B3GNT2: variants seen among roughly 807,000 people sequenced by gnomAD.
B3GNT2 encodes N-acetyllactosaminide beta-1,3-N-acetylglucosaminyltransferase 2.
B3GNT2 carries 12 observed loss-of-function variants against 27.6 expected under a neutral mutation model. The observed-to-expected ratio is 0.44, with a 90% CI of 0.28 to 0.71. The LOEUF is 0.71. B3GNT2 is among the 30% of genes least tolerant of loss of function. B3GNT2 has a pLI of 0.17. For synonymous variants in B3GNT2, 192 were observed against 189.7 expected (o/e 1.01, Z -0.10); for missense variants, 413 against 488.5 (o/e 0.85, Z 1.46).
intron 1 of B3GNT2, chr2:62,221,685 C>A: frequency 6.0e-6 from 2 of 335,454 alleles, no homozygotes; most frequent in South Asian, 2.3e-5. Flanking sequence ...TAGAAGAGAA[C>A]TTGAGAGTGA....
chr2:62,209,479 A>G (rs1289149570), intron 1 of B3GNT2, among the ~76,000 whole-genome samples: 4 of 152,192 alleles, frequency 2.6e-5, no homozygotes, highest in Non-Finnish European at 5.9e-5. Context: ...GTTGAAAAAC[A>G]AGTAAAAGAA....
chr2:62,205,118 T>G (rs1674346658), intron 1 of B3GNT2, among the ~76,000 whole-genome samples: 1 of 152,164 alleles, frequency 6.6e-6, no homozygotes. Context: ...TGGTCCCTCG[T>G]CCCTCCACAT....
In B3GNT2 at chr2:62,199,816, T is replaced by C. The variant is rs562925615; in HGVS notation, c.-10+3461T>C. ...GCTGTTCCTACGTACTTGCCAAATA[T>C]GTCTGCAAATTACAGAATGAATACA... is the stretch of plus-strand genomic sequence containing the variant. On this transcript the variant is annotated intron_variant, in intron 1 of 1. Coordinates refer to ENST00000301998, the MANE Select transcript of B3GNT2 (RefSeq NM_006577.6). Among the ~76,000 whole-genome samples the C allele has an allele frequency of 5.9e-5, 9 of 152,376 alleles. No individual in the cohort carries two copies. The South Asian group carries it at 1.7e-3, about 28-fold the overall frequency.
chr2:62,205,483 GA>G (rs1393513528), intron 1 of B3GNT2, among the ~76,000 whole-genome samples: 1 of 152,188 alleles, frequency 6.6e-6, no homozygotes, highest in Non-Finnish European at 1.5e-5. Flanking sequence ...GCAACAACTT[GA>G]AAACAACAGT....
intron 1 of B3GNT2, among the ~76,000 whole-genome samples, chr2:62,220,608 T>C (rs1026870498): frequency 6.6e-6 from 1 of 152,234 alleles, no homozygotes; most frequent in Non-Finnish European, 1.5e-5. Context: ...TAGCTACCTT[T>C]TGGCATGGTA....
intron 1 of B3GNT2, among the ~76,000 whole-genome samples, chr2:62,205,362 C>G (rs2104190394): frequency 6.6e-6 from 1 of 152,326 alleles, no homozygotes; most frequent in East Asian, 1.9e-4. Flanking sequence ...TGGTCGAAGG[C>G]CTGAATGATG....
chr2:62,209,041 G>A (rs1674432280), intron 1 of B3GNT2, among the ~76,000 whole-genome samples: 1 of 152,054 alleles, frequency 6.6e-6, no homozygotes, highest in Non-Finnish European at 1.5e-5. Context: ...GGCTGGGTCG[G>A]AGTGCAGTGG....
chr2:62,202,795 G>A (rs959744583), intron 1 of B3GNT2, among the ~76,000 whole-genome samples: 2 of 152,186 alleles, frequency 1.3e-5, no homozygotes, highest in Admixed American at 6.5e-5. Context: ...CAGAATCCCT[G>A]TCTTCTTCAG....
intron 1 of B3GNT2, among the ~76,000 whole-genome samples, chr2:62,200,236 A>G (rs1192406522): frequency 2.0e-5 from 3 of 152,142 alleles, no homozygotes; most frequent in Non-Finnish European, 4.4e-5. Flanking sequence ...AGGTATTTTC[A>G]TATATAACTT....
rs1238570822 is a variant in B3GNT2, at chr2:62,196,183, C to T, written c.-182C>T. The T allele has an allele frequency of 6.6e-6, 1 of 151,790 alleles. No individual in the cohort carries two copies. 9.4% of individuals were successfully genotyped at this position (151,790 alleles called of 1,614,324 possible). ...GTGCCGGAGGCTAGCAGAGCCAAGC[C>T]GGAGCAGTCCCTGCCGCCGACACCG... On this transcript the variant is annotated 5_prime_UTR_variant, in exon 1 of 2. Coordinates refer to ENST00000301998, the MANE Select transcript of B3GNT2 (RefSeq NM_006577.6).
intron 1 of B3GNT2, among the ~76,000 whole-genome samples, chr2:62,214,404 G>T (rs1268755341): frequency 1.3e-5 from 2 of 152,204 alleles, no homozygotes; most frequent in African/African-American, 4.8e-5. Flanking sequence ...GGCTGAATGC[G>T]CAGAGCAGGA....
chr2:62,208,516 A>G (rs1350507976), intron 1 of B3GNT2, among the ~76,000 whole-genome samples: 1 of 152,002 alleles, frequency 6.6e-6, no homozygotes, highest in Non-Finnish European at 1.5e-5. Context: ...GACACCACGT[A>G]ATTGTGTCTT....
At chr2:62,206,992 A>G (rs1366303202) in intron 1 of B3GNT2, among the ~76,000 whole-genome samples, 1 of 152,184 alleles carries the variant, frequency 6.6e-6, no homozygotes, top group East Asian at 1.9e-4. Context: ...TTAAAATACA[A>G]TGTCATTTGT....
chr2:62,203,941 G>A (rs1674320206), intron 1 of B3GNT2, among the ~76,000 whole-genome samples: 1 of 152,110 alleles, frequency 6.6e-6, no homozygotes, highest in East Asian at 1.9e-4. Flanking sequence ...GTTTATTATT[G>A]GAATCCATTG....
At chr2:62,219,672 G>A (rs1362140087) in intron 1 of B3GNT2, among the ~76,000 whole-genome samples, 2 of 152,202 alleles carry the variant, frequency 1.3e-5, no homozygotes, top group Admixed American at 1.3e-4. Context: ...GAGACCTAGA[G>A]ACAGCAGTAC....
intron 1 of B3GNT2, among the ~76,000 whole-genome samples, chr2:62,210,596 C>T (rs1674463492): frequency 6.6e-6 from 1 of 151,874 alleles, no homozygotes; most frequent in South Asian, 2.1e-4. Flanking sequence ...TAGCGAAACC[C>T]CATCTCTACT....
At chr2:62,217,925 A>C (rs1005045441) in intron 1 of B3GNT2, among the ~76,000 whole-genome samples, 2 of 152,222 alleles carry the variant, frequency 1.3e-5, no homozygotes, top group African/African-American at 4.8e-5. Flanking sequence ...CTGAAGTTTC[A>C]AAACTGTTCT....
At chr2:62,207,786 C>T (rs1267990357) in intron 1 of B3GNT2, among the ~76,000 whole-genome samples, 3 of 152,200 alleles carry the variant, frequency 2.0e-5, no homozygotes, top group Non-Finnish European at 4.4e-5. Context: ...CTGCTCACCA[C>T]CAGCTGTGTG....
At chr2:62,201,737 T>G (rs1478988199) in intron 1 of B3GNT2, among the ~76,000 whole-genome samples, 1 of 152,240 alleles carries the variant, frequency 6.6e-6, no homozygotes, top group Non-Finnish European at 1.5e-5. Flanking sequence ...AATTCCACCC[T>G]CTCTCACCAC....
Sources: gnomAD v4.1 joint callset for allele counts (sites outside exome capture counted in the v4.1 genomes callset) on GRCh38, gnomAD v4.1.1 for gene constraint, MANE v1.5 for transcripts, NCBI Gene and HGNC (gene_info 2026-07-23, HGNC 2026-07-21) for gene names.